The following BMP8A variants were observed in gnomAD, a reference collection of about 807,000 sequenced individuals.
BMP8A encodes the protein BMP-8A.
Under a neutral mutation model 36.8 loss-of-function variants are expected in BMP8A, and 14 were observed. The ratio of observed to expected loss-of-function variants is 0.38; its 90% CI spans 0.25 to 0.60. The LOEUF (loss-of-function observed/expected upper bound fraction) is 0.60. Ranked by LOEUF, BMP8A falls within the 20% of genes least tolerant of loss-of-function variation. The pLI is 0.63. For missense variants in BMP8A, 267 were observed against 551.1 expected (o/e 0.48, Z 5.16); for synonymous variants, 120 against 237.7 (o/e 0.50, Z 4.55).
At chr1:39,498,263 A>G (rs897784899) in intron 1 of BMP8A, among the ~76,000 whole-genome samples, 1 of 152,036 alleles carries the variant, frequency 6.6e-6, no homozygotes, top group Non-Finnish European at 1.5e-5. Flanking sequence ...GGGGAGGTGC[A>G]CCCAGCCCCC....
Position 39,523,233 on chromosome 1 carries a change from T to A in BMP8A, c.1059+116T>A, listed in dbSNP as rs951453871. 6.3e-5 allele frequency: 79 copies of A among 1,249,042 alleles called. 3 individuals are homozygous for A. 77.4% of individuals were successfully genotyped at this position (1,249,042 alleles called of 1,614,324 possible). A position where few individuals can be genotyped will look rare whatever the true frequency, so the allele number is the denominator to read the frequency against. Reference sequence around the variant, plus strand: ...CACCTGCTCCATGTCTCGGGGGCTTTGTCTGCACAGAGTCAGTAACGTCGC... The same window carrying A: ...CACCTGCTCCATGTCTCGGGGGCTTAGTCTGCACAGAGTCAGTAACGTCGC... On this transcript the variant is annotated intron_variant, in intron 6 of 6. Coordinates refer to ENST00000331593, the MANE Select transcript of BMP8A (RefSeq NM_181809.4).
chr1:39,526,540 T>G lies in BMP8A; in HGVS notation c.*742T>G, dbSNP rs1645485340. Reference sequence around the variant, plus strand: ...TTTTAGTAGAGACGGGGTTTCACCATATCGGCCAGGCTGGTCTTGAACTCC... The same window carrying G: ...TTTTAGTAGAGACGGGGTTTCACCAGATCGGCCAGGCTGGTCTTGAACTCC... On this transcript the variant is annotated 3_prime_UTR_variant, in exon 7 of 7. Transcript: ENST00000331593. 6.6e-6 allele frequency among the ~76,000 whole-genome samples: 1 copy of G among 152,172 alleles called. No individual in the cohort carries two copies. The highest frequency in any genetic ancestry group is 2.4e-5 in the African/African-American group (1 of 41,436).
At chr1:39,501,355 T>A (rs75431855) in intron 1 of BMP8A, among the ~76,000 whole-genome samples, 1,827 of 152,274 alleles carry the variant, frequency 0.012, 20 homozygotes, top group Non-Finnish European at 0.019. Flanking sequence ...ATCTGTACTG[T>A]TCACCTTGCT....
At chr1:39,498,281 T>C (rs905003438) in intron 1 of BMP8A, among the ~76,000 whole-genome samples, 6 of 152,212 alleles carry the variant, frequency 3.9e-5, no homozygotes, top group African/African-American at 1.2e-4. Flanking sequence ...CCCCTCCTCC[T>C]GGAACCTCTT....
chr1:39,492,268 G>A lies in BMP8A; in HGVS notation c.277G>A (p.Ala93Thr), dbSNP rs762025897. The change falls in exon 1 of 7, where the codon GCG becomes ACG. Residue 93 changes from alanine to threonine, a missense_variant. By Grantham distance (58) the Ala-to-Thr change is moderately conservative. Around this residue, in one of 7 missense-constraint regions of BMP8A, gnomAD observed 37 missense variants for 39.5 expected, o/e 0.94. Coordinates refer to ENST00000331593, the MANE Select transcript of BMP8A (RefSeq NM_181809.4). Reference sequence around the variant, plus strand: ...GGCTGGCGACGACGACGAGGACGGCGCGCCCGCGGAGCAGCGCCTGGGCCG... The same window carrying A: ...GGCTGGCGACGACGACGAGGACGGCACGCCCGCGGAGCAGCGCCTGGGCCG... ...AMAGDDDEDG[A>T]PAEQRLGRAD... 3.5e-5 allele frequency: 55 copies of A among 1,562,680 alleles called. No homozygotes were observed. Among genetic ancestry groups the A allele is most frequent in the Non-Finnish European group, 4.5e-5 (53 of 1,165,166 alleles).
At chr1:39,523,232 TTGTC>T (rs1471717591) in intron 6 of BMP8A, 115 bp downstream of exon 6, 3 of 1,252,946 alleles carry the variant, frequency 2.4e-6, no homozygotes, top group Non-Finnish European at 3.4e-6. Flanking sequence ...CTCGGGGGCT[TTGTC>T]TGCACAGAGT....
At chr1:39,508,459 A>G (rs1157859707) in intron 1 of BMP8A, among the ~76,000 whole-genome samples, 18 of 152,160 alleles carry the variant, frequency 1.2e-4, no homozygotes, top group Non-Finnish European at 4.4e-5. Context: ...CCTGGGTGGG[A>G]AGGACAGAAT....
At position 39,525,829 on chromosome 1, in the gene BMP8A, C is replaced by T. The variant is rs752613535; in HGVS notation, c.*31C>T. ...CCCGCCCAGCCCTACTGCAGCCACC[C>T]TTCTCATCTGGATCGGGCCCTGCAG... On this transcript the variant is annotated 3_prime_UTR_variant, in exon 7 of 7. Transcript: ENST00000331593. 9.9e-6 allele frequency: 16 copies of T among 1,612,636 alleles called. No homozygotes were observed. The East Asian group carries it at 2.7e-4, about 27-fold the overall frequency.
chr1:39,493,000 T>A (rs190055619), intron 1 of BMP8A, among the ~76,000 whole-genome samples: 2 of 152,336 alleles, frequency 1.3e-5, no homozygotes, highest in Admixed American at 1.3e-4. Flanking sequence ...AAAGCCGGGC[T>A]TTTCCTGTCT....
At chr1:39,498,104 G>T (rs1228018554) in intron 1 of BMP8A, among the ~76,000 whole-genome samples, 3 of 152,214 alleles carry the variant, frequency 2.0e-5, no homozygotes, top group Admixed American at 2.0e-4. Flanking sequence ...TCTGACACAG[G>T]CCTGTAATCT....
At chr1:39,503,635 C>T (rs910640124) in intron 1 of BMP8A, among the ~76,000 whole-genome samples, 1 of 150,912 alleles carries the variant, frequency 6.6e-6, no homozygotes, top group African/African-American at 2.4e-5. Context: ...CTGCCTCAGC[C>T]TCCTGAGTAG....
chr1:39,496,557 G>C (rs962821204), intron 1 of BMP8A, among the ~76,000 whole-genome samples: 6 of 152,194 alleles, frequency 3.9e-5, no homozygotes, highest in African/African-American at 1.4e-4. Flanking sequence ...TTCTGGGCTT[G>C]TGTGAGATGA....
chr1:39,510,579 C>T (rs931808937), intron 1 of BMP8A, among the ~76,000 whole-genome samples: 4 of 150,834 alleles, frequency 2.7e-5, no homozygotes, highest in African/African-American at 7.3e-5. Context: ...CTTGGCTGGC[C>T]GGCCCCTGCA....
chr1:39,491,855 GC>G lies in BMP8A; in HGVS notation c.-136del. The stretch of plus-strand genomic sequence containing the variant: ...GCGCGGGGGGCGCTCCAGGGACCGC[GC>G]TGAGGCCGCAGACGCCGCCCGCCGA... On this transcript the variant is annotated 5_prime_UTR_variant, in exon 1 of 7. Transcript: ENST00000331593. The G allele has an allele frequency of 1.3e-6, 1 of 786,750 alleles. No individual in the cohort carries two copies. The highest frequency in any genetic ancestry group is 1.6e-6 in the Non-Finnish European group (1 of 640,312). 48.7% of individuals were successfully genotyped at this position (786,750 alleles called of 1,614,324 possible).
chr1:39,493,333 C>T (rs1393487489), intron 1 of BMP8A, among the ~76,000 whole-genome samples: 1 of 152,238 alleles, frequency 6.6e-6, no homozygotes, highest in African/African-American at 2.4e-5. Flanking sequence ...TCCCCATCTC[C>T]CAGATGAGGA....
Position 39,526,163 on chromosome 1 carries a change from G to A in BMP8A, c.*365G>A, listed in dbSNP as rs556562023. 1.3e-5 allele frequency among the ~76,000 whole-genome samples: 2 copies of A among 152,278 alleles called. No homozygotes were observed. Among genetic ancestry groups the A allele is most frequent in the African/African-American group, 4.8e-5 (2 of 41,544 alleles). ...TTTTCTCCATTCACCAGAGGGTTTA[G>A]GTGTGAGGAGAAGGGCTCTGCCTCT... On this transcript the variant is annotated 3_prime_UTR_variant, in exon 7 of 7. Transcript: ENST00000331593.
intron 1 of BMP8A, among the ~76,000 whole-genome samples, chr1:39,509,390 G>A (rs1381044959): frequency 6.6e-6 from 1 of 152,148 alleles, no homozygotes; most frequent in Non-Finnish European, 1.5e-5. Context: ...GAGCACACGT[G>A]TGTAGATATT....
chr1:39,523,632 T>C, intron 6 of BMP8A: 1 of 1,447,886 alleles, frequency 6.9e-7, no homozygotes, highest in South Asian at 1.4e-5. Context: ...TCCCGCAGTT[T>C]CTCTCTTGGC....
chr1:39,493,845 G>A lies in BMP8A; in HGVS notation c.334+1520G>A, dbSNP rs1402228435. On this transcript the variant is annotated intron_variant, in intron 1 of 6. Coordinates refer to ENST00000331593, the MANE Select transcript of BMP8A (RefSeq NM_181809.4). ...AGGACCAAGAAGAGTTGTGGATGGA[G>A]TCGTCCAAGAATGTCCCCAGGGAGC... Among the ~76,000 whole-genome samples, 3 of 152,204 alleles carry A rather than the reference G, an allele frequency of 2.0e-5. No homozygotes were observed. In the East Asian group the frequency reaches 5.8e-4, roughly 29 times the overall value.
Sources: allele counts gnomAD v4.1 joint callset (sites outside exome capture counted in the v4.1 genomes callset), GRCh38; gene constraint gnomAD v4.1.1; regional missense constraint gnomAD v4.1.1; transcripts MANE v1.5; gene names NCBI Gene and HGNC (gene_info 2026-07-23, HGNC 2026-07-21).